STS: variants seen among roughly 807,000 people sequenced by gnomAD.
The protein encoded by STS is steryl-sulfatase.
STS carries 7 observed loss-of-function variants against 26.8 expected under a neutral mutation model. The ratio of observed to expected loss-of-function variants is 0.26; its 90% confidence interval spans 0.15 to 0.49. STS has a LOEUF of 0.49. Among genes scored for constraint, STS ranks in the 20% least tolerant of loss-of-function variants. STS has a pLI of 0.98. For synonymous variants in STS, 199 were observed against 189.4 expected (o/e 1.05, Z -0.42); for missense variants, 434 against 465.6 (o/e 0.93, Z 0.63).
intron 7 of STS, among the ~76,000 whole-genome samples, chrX:7,288,364 G>C (rs1925245927): frequency 9.1e-6 from 1 of 109,693 alleles, no homozygotes; most frequent in Non-Finnish European, 1.9e-5. Context: ...GATTTGGAAT[G>C]CTTTCAGATT....
chrX:7,222,408 C>T (rs1921608626), intron 2 of STS, among the ~76,000 whole-genome samples: 1 of 108,112 alleles, frequency 9.2e-6, no homozygotes, highest in Non-Finnish European at 1.9e-5. Context: ...GCAAACTTAA[C>T]ATATGAAAAT....
In STS at chrX:7,310,856, GT is replaced by G. The variant is rs748684132; in HGVS notation, c.1081+5675del. On this transcript the variant is annotated intron_variant, in intron 8 of 10. Transcript: ENST00000674429. The stretch of plus-strand genomic sequence containing the variant: ...CTGCTGTGGAGGTCCACATTGCTAT[GT>G]TCAGCTGCCCACTTGCCACATGACC... 3.6e-5 allele frequency among the ~76,000 whole-genome samples: 4 copies of G among 111,467 alleles called. No individual in the cohort carries two copies. The South Asian group carries it at 1.5e-3, about 43-fold the overall frequency.
At position 7,225,099 on chromosome X, in the gene STS, A is replaced by G. The variant is rs1418362627; in HGVS notation, c.-4-28097A>G. 4.5e-5 allele frequency among the ~76,000 whole-genome samples: 5 copies of G among 112,329 alleles called. No individual in the cohort carries two copies. In the East Asian group the frequency reaches 1.4e-3, roughly 31 times the overall value. ...GAACTGTTCCAGGAGGTGAGATGAC[A>G]GCAATTGTCCCTGTGTTCATACCCT... On this transcript the variant is annotated intron_variant, in intron 2 of 10. Transcript: ENST00000674429.
chrX:7,180,345 C>A (rs771838937), intron 1 of STS, among the ~76,000 whole-genome samples: 1 of 112,107 alleles, frequency 8.9e-6, no homozygotes, highest in African/African-American at 3.2e-5. Context: ...AGATCCCTCA[C>A]ATGCACAGTT....
chrX:7,151,873 C>A (rs1282275028), intron 1 of STS, among the ~76,000 whole-genome samples: 1 of 111,971 alleles, frequency 8.9e-6, no homozygotes, highest in Non-Finnish European at 1.9e-5. Flanking sequence ...ATGGTCTAGA[C>A]CATTGACCCC....
intron 1 of STS, among the ~76,000 whole-genome samples, chrX:7,164,282 A>T (rs148413009): frequency 8.9e-6 from 1 of 111,995 alleles, no homozygotes; most frequent in East Asian, 2.8e-4. Context: ...TCTCAAGACT[A>T]TGGGCCTGAG....
chrX:7,345,100 C>T (rs753704179), intron 10 of STS, among the ~76,000 whole-genome samples: 6 of 111,043 alleles, frequency 5.4e-5, no homozygotes, highest in Non-Finnish European at 1.1e-4. Flanking sequence ...CCTTCGAGGA[C>T]GTTGTTAAAA....
chrX:7,201,384 T>G (rs1367928406), intron 2 of STS, among the ~76,000 whole-genome samples: 1 of 111,915 alleles, frequency 8.9e-6, no homozygotes, highest in Middle Eastern at 4.2e-3. Flanking sequence ...TCAAGATTGC[T>G]CTCTCAGCAT....
chrX:7,351,853 A>G lies in STS; in HGVS notation c.*1592A>G, dbSNP rs1317352821. The G allele has an allele frequency of 9.3e-6, 1 of 107,478 alleles. No individual in the cohort carries two copies. Among genetic ancestry groups the G allele is most frequent in the Non-Finnish European group, 1.9e-5 (1 of 52,163 alleles). 8.9% of individuals were successfully genotyped at this position (107,478 alleles called of 1,213,427 possible). ...GAAGTTGGAGCAAGAGGGGCATACT[A>G]TTGGGCTGGGAGGATTTGACAGCAT... On this transcript the variant is annotated 3_prime_UTR_variant, in exon 11 of 11. Transcript: ENST00000674429.
intron 10 of STS, among the ~76,000 whole-genome samples, chrX:7,341,184 G>A (rs1478529323): frequency 8.9e-6 from 1 of 111,777 alleles, no homozygotes; most frequent in Non-Finnish European, 1.9e-5. Context: ...AACACCATTT[G>A]CTTTTGAGTC....
chrX:7,265,261 G>A, intron 6 of STS, among the ~76,000 whole-genome samples: 1 of 111,330 alleles, frequency 9.0e-6, no homozygotes, highest in South Asian at 3.8e-4. Flanking sequence ...CCTTATATCA[G>A]TCTTCATCTA....
At chrX:7,325,880 C>A (rs749577484) in intron 9 of STS, among the ~76,000 whole-genome samples, 1 of 112,219 alleles carries the variant, frequency 8.9e-6, no homozygotes, top group Admixed American at 9.4e-5. Context: ...AGTTTTCCTT[C>A]CTTCTGGGCA....
intron 7 of STS, among the ~76,000 whole-genome samples, chrX:7,283,177 C>T (rs942805642): frequency 8.9e-6 from 1 of 111,805 alleles, no homozygotes; most frequent in African/African-American, 3.3e-5. Context: ...CAATGCAACC[C>T]TCTTTAAAAA....
At chrX:7,267,662 A>G (rs751811543) in intron 6 of STS, among the ~76,000 whole-genome samples, 15 of 112,322 alleles carry the variant, frequency 1.3e-4, no homozygotes, top group African/African-American at 4.5e-4. Context: ...TTCGAACAGT[A>G]GATTTCCAAG....
At chrX:7,334,464 A>T (rs1399194293) in intron 10 of STS, among the ~76,000 whole-genome samples, 1 of 111,619 alleles carries the variant, frequency 9.0e-6, no homozygotes, top group African/African-American at 3.3e-5. Flanking sequence ...TCTCACACTG[A>T]AGAAAGCAGC....
intron 9 of STS, among the ~76,000 whole-genome samples, chrX:7,328,695 G>A (rs1927603563): frequency 9.1e-6 from 1 of 109,983 alleles, no homozygotes; most frequent in Non-Finnish European, 1.9e-5. Flanking sequence ...GAGTAGCTGG[G>A]ACTACAGGCG....
intron 5 of STS, 68 bp downstream of exon 5, chrX:7,257,656 T>A (rs1923490989): frequency 1.7e-6 from 2 of 1,177,796 alleles, no homozygotes; most frequent in African/African-American, 3.5e-5. Context: ...TGGACAAAGT[T>A]AGCAAAAGAG....
intron 2 of STS, among the ~76,000 whole-genome samples, chrX:7,194,778 G>A (rs1192423677): frequency 8.9e-6 from 1 of 111,767 alleles, no homozygotes; most frequent in Non-Finnish European, 1.9e-5. Flanking sequence ...GCTTTGTTAC[G>A]TGATACAGTC....
At chrX:7,278,046 C>T (rs1341953680) in intron 7 of STS, among the ~76,000 whole-genome samples, 1 of 112,326 alleles carries the variant, frequency 8.9e-6, no homozygotes, top group East Asian at 2.8e-4. Context: ...GTCTAACTTC[C>T]AGTGTTGTCT....
Sources: gnomAD v4.1 joint callset for allele counts (sites outside exome capture counted in the v4.1 genomes callset) on GRCh38, gnomAD v4.1.1 for gene constraint, MANE v1.5 for transcripts, NCBI Gene and HGNC (gene_info 2026-07-23, HGNC 2026-07-21) for gene names.